The following ZNF461 variants were observed in gnomAD, a reference collection of about 807,000 sequenced individuals.
ZNF461 encodes the protein zinc finger protein 461.
A neutral mutation model predicts 18.3 loss-of-function variants in ZNF461; 16 were observed. That is an observed-to-expected ratio of 0.88 (90% CI 0.59 to 1.33). The LOEUF (loss-of-function observed/expected upper bound fraction) is 1.33, where lower values mean the gene tolerates loss of function less well. Among genes scored for constraint, ZNF461 ranks in the 40% most tolerant of loss-of-function variants. ZNF461 has a pLI of 0.00. For missense variants in ZNF461, 595 were observed against 669.9 expected (o/e 0.89, Z 1.23); for synonymous variants, 179 against 216.9 (o/e 0.83, Z 1.54).
Position 36,639,383 on chromosome 19 carries a change from C to G in ZNF461, c.962G>C (p.Arg321Thr). Residue 321 changes from arginine to threonine, a missense_variant, in exon 6 of 6, where the codon AGA (arginine) becomes ACA (threonine). Transcript: ENST00000588268. ...RQRSQLTQHQ[R>T]LHTGEKPYEC... ...ATAGGGTTTTTCACCAGTATGAAGT[C>G]TCTGATGTTGAGTAAGCTGTGATCG... The G allele has an allele frequency of 6.2e-7, 1 of 1,613,850 alleles. No individual in the cohort carries two copies. The highest frequency in any genetic ancestry group is 8.5e-7 in the Non-Finnish European group (1 of 1,179,974).
Position 36,639,252 on chromosome 19 carries a change from TC to T in ZNF461, c.1092del (p.Thr365LeufsTer64). 1 of 1,613,894 alleles carries T rather than the reference TC, an allele frequency of 6.2e-7. No homozygotes were observed. The highest frequency in any genetic ancestry group is 8.5e-7 in the Non-Finnish European group (1 of 1,179,978). ...GTAAGATGTGAGCGATGCCTAAAAG[TC>T]TTTCCACATTCTTTACATTCATAAG... The part of the protein sequence containing the change: ...EKPYECKECG[K>X]TFRHRSHLTI... On this transcript the variant is annotated frameshift_variant, in exon 6 of 6. Transcript: ENST00000588268. LOFTEE classifies it low-confidence loss of function (END_TRUNC).
In ZNF461 at chr19:36,641,554, A is replaced by T. The variant is rs536042441; in HGVS notation, c.302-1511T>A. ...CAAACAACAAAATATATATATATAT[A>T]ATATATATATATGTTTTTTTACCCA... On this transcript the variant is annotated intron_variant, in intron 5 of 5. Transcript: ENST00000588268. Among the ~76,000 whole-genome samples, 1,064 of 148,338 alleles carry T rather than the reference A, an allele frequency of 7.2e-3. 12 individuals carry two copies. The highest frequency in any genetic ancestry group is 0.024 in the African/African-American group (986 of 40,818).
chr19:36,663,650 C>G (rs1267576144), intron 2 of ZNF461, among the ~76,000 whole-genome samples: 2 of 151,432 alleles, frequency 1.3e-5, no homozygotes, highest in African/African-American at 4.9e-5. Flanking sequence ...CTCAGCCTCT[C>G]GAGTAGCTAG....
rs2037389974 is a variant in ZNF461 at position 36,639,836 on chromosome 19, T to C, written c.509A>G (p.Glu170Gly). 6.2e-7 allele frequency: 1 copy of C among 1,613,962 alleles called. No homozygotes were observed. Among genetic ancestry groups the C allele is most frequent in the Non-Finnish European group, 8.5e-7 (1 of 1,179,864 alleles). Residue 170 changes from glutamate to glycine, a missense_variant, in exon 6 of 6, where the codon GAA becomes GGA. Transcript: ENST00000588268. ...GYFRQLMINH[E>G]NMPIFSQHTL... ...ATGTTGGCTAAAAATGGGCATGTTT[T>C]CATGGTTAATCATAAGTTGTCTAAA...
At chr19:36,661,450 A>T (rs2037817560) in intron 2 of ZNF461, among the ~76,000 whole-genome samples, 1 of 151,936 alleles carries the variant, frequency 6.6e-6, no homozygotes, top group Non-Finnish European at 1.5e-5. Context: ...CTAAAAAAAT[A>T]AGATTAATCC....
intron 2 of ZNF461, among the ~76,000 whole-genome samples, chr19:36,663,313 T>A (rs190915657): frequency 2.0e-5 from 3 of 152,130 alleles, no homozygotes; most frequent in Admixed American, 2.0e-4. Flanking sequence ...CCATGCCCAG[T>A]CCTGTTTTCT....
Position 36,647,348 on chromosome 19 carries a change from T to G in ZNF461, c.233-3486A>C, listed in dbSNP as rs1050824499. Reference sequence around the variant, plus strand: ...TGAGGTCAGTAGTTTGAGACCTGCCTGGCCAACATGGTTAAACCCTGTCTC... The same window carrying G: ...TGAGGTCAGTAGTTTGAGACCTGCCGGGCCAACATGGTTAAACCCTGTCTC... On this transcript the variant is annotated intron_variant, in intron 4 of 5. Transcript: ENST00000588268. Among the ~76,000 whole-genome samples the G allele has an allele frequency of 6.6e-5, 10 of 152,308 alleles. No homozygotes were observed. The East Asian group carries it at 1.2e-3, about 18-fold the overall frequency.
chr19:36,662,675 C>T (rs1386462902), intron 2 of ZNF461, among the ~76,000 whole-genome samples: 3 of 152,142 alleles, frequency 2.0e-5, no homozygotes, highest in African/African-American at 7.2e-5. Flanking sequence ...CTTATTAAGA[C>T]ATAATTTATA....
In ZNF461 at chr19:36,640,435, T is replaced by G. The variant is rs1043926238; in HGVS notation, c.302-392A>C. On this transcript the variant is annotated intron_variant, in intron 5 of 5. Transcript: ENST00000588268. ...GCAGATTGTCAGCTGTTGCCAAATA[T>G]CTATTTTTTTCCCTTTTTAAAAAAT... Among the ~76,000 whole-genome samples the G allele has an allele frequency of 2.0e-5, 3 of 152,356 alleles. No homozygotes were observed. The East Asian group carries it at 5.8e-4, about 29-fold the overall frequency.
At chr19:36,655,713 C>T (rs1432415352) in intron 4 of ZNF461, among the ~76,000 whole-genome samples, 1 of 152,180 alleles carries the variant, frequency 6.6e-6, no homozygotes, top group East Asian at 1.9e-4. Flanking sequence ...GTTGCCAGTG[C>T]TTTTGGTATT....
At chr19:36,655,787 A>G (rs1399711402) in intron 4 of ZNF461, among the ~76,000 whole-genome samples, 2 of 152,112 alleles carry the variant, frequency 1.3e-5, no homozygotes, top group African/African-American at 4.8e-5. Flanking sequence ...TTCTACTTAG[A>G]GTTTTATTGC....
chr19:36,662,229 T>C (rs560951831), intron 2 of ZNF461, among the ~76,000 whole-genome samples: 4 of 152,114 alleles, frequency 2.6e-5, no homozygotes, highest in African/African-American at 7.2e-5. Context: ...TTCAAAGCTA[T>C]GATTTTTCCT....
chr19:36,638,932 G>A lies in ZNF461; in HGVS notation c.1413C>T (p.Cys471=), dbSNP rs557851771. The A allele has an allele frequency of 6.2e-7, 1 of 1,606,476 alleles. No homozygotes were observed. Residue 471 remains cysteine (C), a synonymous_variant, in exon 6 of 6, where the codon TGC becomes TGT. Coordinates refer to ENST00000588268, the MANE Select transcript of ZNF461 (RefSeq NM_153257.5). ...GTCTAAAGGCCTTACCACATATCAT[G>A]CATTCATGAGGTTTCTCACCAGTAT... ...RIHTGEKPHE[C]MICGKAFRLH... is the part of the protein sequence containing the mutation.
intron 4 of ZNF461, among the ~76,000 whole-genome samples, chr19:36,653,717 A>G (rs1445449673): frequency 6.6e-6 from 1 of 152,328 alleles, no homozygotes; most frequent in East Asian, 1.9e-4. Flanking sequence ...CCATGATTCA[A>G]TTATTTCCCA....
chr19:36,638,882 T>C lies in ZNF461; in HGVS notation c.1463A>G (p.Gln488Arg), dbSNP rs370153489. ...FRLHSHLIQH[Q>R]RIHTGEKPYE... Reference sequence around the variant, plus strand: ...GGGTTTCTCACCAGTATGAATTCTTTGATGTTGAATAAGGTGTGAATGAAG... The same window carrying C: ...GGGTTTCTCACCAGTATGAATTCTTCGATGTTGAATAAGGTGTGAATGAAG... The change falls in exon 6 of 6, where the codon CAA becomes CGA. Residue 488 changes from glutamine to arginine, a missense_variant. By Grantham distance (43) the Gln-to-Arg change is conservative (BLOSUM62 1). Coordinates refer to ENST00000588268, the MANE Select transcript of ZNF461 (RefSeq NM_153257.5). The C allele has an allele frequency of 2.7e-5, 44 of 1,605,970 alleles. No homozygotes were observed. The African/African-American group carries it at 4.5e-4, about 17-fold the overall frequency.
At chr19:36,658,610 C>G in intron 2 of ZNF461, 185 bp from the exon 3 acceptor site, 1 of 478,304 alleles carries the variant, frequency 2.1e-6, no homozygotes. Flanking sequence ...TGTTCTTAAA[C>G]AATTCATTTT....
intron 2 of ZNF461, among the ~76,000 whole-genome samples, chr19:36,659,346 T>C (rs922801793): frequency 3.9e-5 from 6 of 152,252 alleles, no homozygotes; most frequent in South Asian, 4.1e-4. Flanking sequence ...CCAACCATGA[T>C]TGTTGTTTTA....
intron 2 of ZNF461, among the ~76,000 whole-genome samples, chr19:36,660,062 T>C (rs2037790733): frequency 6.6e-6 from 1 of 151,270 alleles, no homozygotes; most frequent in African/African-American, 2.4e-5. Context: ...AAGTGGTGGC[T>C]TTTTTTTTCT....
rs539831333 is a variant in ZNF461, at chr19:36,645,582, T to C, written c.233-1720A>G. Among the ~76,000 whole-genome samples the C allele has an allele frequency of 1.1e-3, 160 of 152,330 alleles. 1 individual carries two copies. Among genetic ancestry groups the C allele is most frequent in the African/African-American group, 3.7e-3 (153 of 41,574 alleles). On this transcript the variant is annotated intron_variant, in intron 4 of 5. Transcript: ENST00000588268. ...CCTGATGATTTGATATACATTTACA[T>C]TGTGAAATAATCACCACAGTCAGCT...
Sources: gnomAD v4.1 joint callset for allele counts (sites outside exome capture counted in the v4.1 genomes callset) on GRCh38, gnomAD v4.1.1 for gene constraint, MANE v1.5 for transcripts, NCBI Gene and HGNC (gene_info 2026-07-23, HGNC 2026-07-21) for gene names.